Variants in TDRD15 observed in about 807,000 individuals in gnomAD.
TDRD15 encodes the protein tudor domain containing 15.
For missense variants in TDRD15, 1,416 were observed against 904.7 expected (o/e 1.57, Z -7.25); for synonymous variants, 503 against 314.5 (o/e 1.60, Z -6.34).
At chr2:21,132,805 T>G (rs1665743814) in intron 2 of TDRD15, among the ~76,000 whole-genome samples, 1 of 152,214 alleles carries the variant, frequency 6.6e-6, no homozygotes, top group South Asian at 2.1e-4. Context: ...AAATTAGTTC[T>G]TTTATCTACC....
chr2:21,128,289 G>GT (rs537612430), intron 2 of TDRD15, among the ~76,000 whole-genome samples: 395 of 144,316 alleles, frequency 2.7e-3, no homozygotes, highest in African/African-American at 5.5e-3. Flanking sequence ...CCATGTTATG[G>GT]TTTTTTTTTT....
In TDRD15 at chr2:21,138,906, T is replaced by A; in HGVS notation, c.1439T>A (p.Ile480Lys). 2 of 715,706 alleles carry A rather than the reference T, an allele frequency of 2.8e-6. No homozygotes were observed. The highest frequency in any genetic ancestry group is 3.0e-5 in the South Asian group (2 of 67,460). The allele number at this position is 715,706 out of a possible 1,614,324, so 44.3% of individuals were successfully genotyped here. ...CCCATTAAAACAGTACAAATGGAGATAGAGGCTGCCTACATAGCTTTTATA... is the reference window on the plus strand; with the variant it reads ...CCCATTAAAACAGTACAAATGGAGAAAGAGGCTGCCTACATAGCTTTTATA... ...GFPIKTVQME[I>K]EAAYIAFIAY... Residue 480 changes from isoleucine to lysine, a missense_variant, in exon 4 of 4, where the codon ATA becomes AAA. Physicochemically the swap from Ile to Lys is moderately radical, Grantham distance 102. Transcript: ENST00000405799.
chr2:21,131,384 G>A (rs1006025090), intron 2 of TDRD15, among the ~76,000 whole-genome samples: 5 of 152,108 alleles, frequency 3.3e-5, no homozygotes, highest in African/African-American at 1.2e-4. Flanking sequence ...GTAGGCCAGT[G>A]GATTTTAAGA....
downstream of TDRD15, among the ~76,000 whole-genome samples, chr2:21,144,910 A>C (rs994275623): frequency 1.3e-5 from 2 of 152,008 alleles, no homozygotes; most frequent in African/African-American, 4.8e-5. Context: ...GGTTATAGGC[A>C]CAGACAAGAG....
Position 21,142,384 on chromosome 2 carries a change from T to A in TDRD15, c.4917T>A (p.Pro1639=). 1.4e-6 allele frequency: 1 copy of A among 704,804 alleles called. No individual in the cohort carries two copies. The highest frequency in any genetic ancestry group is 2.6e-6 in the Non-Finnish European group (1 of 380,334). 43.7% of individuals were successfully genotyped at this position (704,804 alleles called of 1,614,324 possible). A position where few individuals can be genotyped will look rare whatever the true frequency, so the allele number is the denominator to read the frequency against. Residue 1639 remains proline, a synonymous_variant, in exon 4 of 4, where the codon CCT becomes CCA. Coordinates refer to ENST00000405799, the MANE Select transcript of TDRD15 (RefSeq NM_001306137.2). ...EIRNIPRQAV[P]CKWIWFENSK... is the part of the protein sequence containing the mutation. ...GAAACATTCCTAGACAAGCTGTACC[T>A]TGTAAATGGATTTGGTTTGAAAATT...
At position 21,138,618 on chromosome 2, in the gene TDRD15, AT is replaced by A. The variant is rs1383649036; in HGVS notation, c.1152del (p.Tyr384Ter). The A allele has an allele frequency of 1.4e-6, 1 of 713,462 alleles. No individual in the cohort carries two copies. Among genetic ancestry groups the A allele is most frequent in the Non-Finnish European group, 2.6e-6 (1 of 383,392 alleles). The allele number at this position is 713,462 out of a possible 1,614,324, so 44.2% of individuals were successfully genotyped here. A position where few individuals can be genotyped will look rare whatever the true frequency, so the allele number is the denominator to read the frequency against. ...FKQALLGQVV[Y>X]AHIDWFNKDE... Reference sequence around the variant, plus strand: ...CAGGCCTTATTAGGACAAGTGGTATATGCACACATTGATTGGTTCAATAAGG... The same window carrying A: ...CAGGCCTTATTAGGACAAGTGGTATAGCACACATTGATTGGTTCAATAAGG... On this transcript the variant is annotated frameshift_variant, in exon 4 of 4. Transcript: ENST00000405799. LOFTEE classifies it low-confidence loss of function (END_TRUNC).
chr2:21,135,020 G>T (rs1258882818), intron 3 of TDRD15, among the ~76,000 whole-genome samples, 173 bp downstream of exon 3: 1 of 142,692 alleles, frequency 7.0e-6, no homozygotes, highest in Non-Finnish European at 1.5e-5. Flanking sequence ...TATATAAATT[G>T]TGTATAATTA....
chr2:21,136,913 C>G (rs1350098082), intron 3 of TDRD15, among the ~76,000 whole-genome samples: 1 of 151,976 alleles, frequency 6.6e-6, no homozygotes, highest in Non-Finnish European at 1.5e-5. Context: ...AAAGATGAAT[C>G]CCGGGATTGT....
rs1351752198 is a variant in TDRD15 at position 21,142,917 on chromosome 2, A to G, written c.5450A>G (p.Tyr1817Cys). ...PQSLCLVLVD[Y>C]GFSFYIRYSE... is the part of the protein sequence containing the mutation. The stretch of plus-strand genomic sequence containing the variant: ...TCTTTATGTCTTGTGTTGGTTGACT[A>G]TGGATTTTCTTTTTATATACGTTAT... The change falls in exon 4 of 4, where the codon TAT becomes TGT. Residue 1817 changes from tyrosine to cysteine, a missense_variant. Physicochemically the swap from Tyr to Cys is radical, Grantham distance 194. Coordinates refer to ENST00000405799, the MANE Select transcript of TDRD15 (RefSeq NM_001306137.2). 4 of 696,000 alleles carry G rather than the reference A, an allele frequency of 5.7e-6. No homozygotes were observed. Among genetic ancestry groups the G allele is most frequent in the South Asian group, 3.2e-5 (2 of 62,920 alleles). The allele number at this position is 696,000 out of a possible 1,614,324, so 43.1% of individuals were successfully genotyped here. A position where few individuals can be genotyped will look rare whatever the true frequency, so the allele number is the denominator to read the frequency against.
chr2:21,139,103 A>C lies in TDRD15; in HGVS notation c.1636A>C (p.Arg546=). 1 of 714,682 alleles carries C rather than the reference A, an allele frequency of 1.4e-6. No homozygotes were observed. Among genetic ancestry groups the C allele is most frequent in the Non-Finnish European group, 2.6e-6 (1 of 383,790 alleles). 44.3% of individuals were successfully genotyped at this position (714,682 alleles called of 1,614,324 possible). A position where few individuals can be genotyped will look rare whatever the true frequency, so the allele number is the denominator to read the frequency against. ...TTGTTGTGCTAGATATAGCAAGGAC[A>C]GACGTTTTTACAGAGCTGTCATCAC... ...LFCCARYSKD[R]RFYRAVITEI... Residue 546 remains arginine, a synonymous_variant, in exon 4 of 4, where the codon AGA becomes CGA. Coordinates refer to ENST00000405799, the MANE Select transcript of TDRD15 (RefSeq NM_001306137.2).
chr2:21,130,433 C>T (rs971307532), intron 2 of TDRD15, among the ~76,000 whole-genome samples: 5 of 152,188 alleles, frequency 3.3e-5, no homozygotes, highest in Admixed American at 6.5e-5. Context: ...AATACACATT[C>T]ACTAGAAACT....
At chr2:21,130,118 A>G (rs1665688574) in intron 2 of TDRD15, among the ~76,000 whole-genome samples, 1 of 152,188 alleles carries the variant, frequency 6.6e-6, no homozygotes, top group Non-Finnish European at 1.5e-5. Flanking sequence ...CCCACATCTC[A>G]ATGATTAAGT....
intron 3 of TDRD15, 52 bp downstream of exon 3, chr2:21,134,899 AAG>A (rs1665779021): frequency 6.6e-6 from 1 of 151,026 alleles, no homozygotes; most frequent in South Asian, 2.1e-4. Flanking sequence ...ATATTTGAAT[AAG>A]GGTTGGATCT....
intron 2 of TDRD15, among the ~76,000 whole-genome samples, 189 bp downstream of exon 2, chr2:21,127,900 A>G (rs1343335414): frequency 2.0e-5 from 3 of 152,202 alleles, no homozygotes; most frequent in African/African-American, 7.2e-5. Context: ...TTGATACCTT[A>G]AAATTAATTT....
intron 2 of TDRD15, among the ~76,000 whole-genome samples, chr2:21,132,073 G>A (rs1415621249): frequency 6.6e-6 from 1 of 152,116 alleles, no homozygotes. Flanking sequence ...AGGAAGTGAC[G>A]AAGCAAGCTG....
rs1665882941 is a variant in TDRD15, at chr2:21,139,734, C to T, written c.2267C>T (p.Thr756Ile). ...AAAGAATATATTTTTAGACCAGGAA[C>T]AGTTCTTGAAGTTAAATGTTCCTGT... ...PYKEYIFRPG[T>I]VLEVKCSCYY... Residue 756 changes from threonine (T) to isoleucine (I), a missense_variant, in exon 4 of 4, where the codon ACA (threonine) becomes ATA (isoleucine). By Grantham distance (89) the Thr-to-Ile change is moderately conservative (BLOSUM62 -1). Coordinates refer to ENST00000405799, the MANE Select transcript of TDRD15 (RefSeq NM_001306137.2). 1 of 715,518 alleles carries T rather than the reference C, an allele frequency of 1.4e-6. No homozygotes were observed. Among genetic ancestry groups the T allele is most frequent in the Non-Finnish European group, 2.6e-6 (1 of 383,988 alleles). 44.3% of individuals were successfully genotyped at this position (715,518 alleles called of 1,614,324 possible).
Position 21,139,244 on chromosome 2 carries a change from G to A in TDRD15, c.1777G>A (p.Ala593Thr). ...LPEFCELPAL[A>T]MCCSLAHIFP... ...AGAATTTTGTGAGTTGCCTGCCTTA[G>A]CGATGTGCTGTTCACTTGCACATAT... Residue 593 changes from alanine (A) to threonine (T), a missense_variant, in exon 4 of 4, where the codon GCG (alanine) becomes ACG (threonine). Physicochemically the swap from Ala to Thr is moderately conservative, Grantham distance 58. Coordinates refer to ENST00000405799, the MANE Select transcript of TDRD15 (RefSeq NM_001306137.2). The A allele has an allele frequency of 1.4e-6, 1 of 715,654 alleles. No individual in the cohort carries two copies. The highest frequency in any genetic ancestry group is 2.6e-6 in the Non-Finnish European group (1 of 384,114). 44.3% of individuals were successfully genotyped at this position (715,654 alleles called of 1,614,324 possible).
In TDRD15 at chr2:21,143,200, C is replaced by T. The variant is rs865824408; in HGVS notation, c.5733C>T (p.Leu1911=). The change falls in exon 4 of 4, where the codon CTC becomes CTT. Residue 1911 remains leucine, a synonymous_variant. Coordinates refer to ENST00000405799, the MANE Select transcript of TDRD15 (RefSeq NM_001306137.2). ...CAGATATATTAGTTGCATCTGGTCT[C>T]GCAACTTATTCTAAAGATTCACCTC... is the stretch of plus-strand genomic sequence containing the variant. The part of the protein sequence containing the change: ...NLADILVASG[L]ATYSKDSPHL... 2.3e-5 allele frequency: 16 copies of T among 687,606 alleles called. No individual in the cohort carries two copies. In the East Asian group the frequency reaches 2.7e-4, roughly 12 times the overall value. 42.6% of individuals were successfully genotyped at this position (687,606 alleles called of 1,614,324 possible). A position where few individuals can be genotyped will look rare whatever the true frequency, so the allele number is the denominator to read the frequency against.
In TDRD15 at chr2:21,139,028, T is replaced by TTG. The variant is rs761074928; in HGVS notation, c.1566_1567dup (p.Glu523ValfsTer6). 7 of 713,874 alleles carry TTG rather than the reference T, an allele frequency of 9.8e-6. No homozygotes were observed. The highest frequency in any genetic ancestry group is 3.0e-5 in the South Asian group (2 of 66,920). 44.2% of individuals were successfully genotyped at this position (713,874 alleles called of 1,614,324 possible). A position where few individuals can be genotyped will look rare whatever the true frequency, so the allele number is the denominator to read the frequency against. ...GAAAAACATAAACAAATTTTATGATTTGTGTGAAAACGATGAAATGATTCT... is the reference window on the plus strand; with the variant it reads ...GAAAAACATAAACAAATTTTATGATTTGTGTGTGAAAACGATGAAATGATTCT... On this transcript the variant is annotated frameshift_variant, in exon 4 of 4. Coordinates refer to ENST00000405799, the MANE Select transcript of TDRD15 (RefSeq NM_001306137.2). LOFTEE classifies it low-confidence loss of function (END_TRUNC).
Sources: gnomAD v4.1 joint callset for allele counts (sites outside exome capture counted in the v4.1 genomes callset) on GRCh38, gnomAD v4.1.1 for gene constraint, MANE v1.5 for transcripts, NCBI Gene and HGNC (gene_info 2026-07-23, HGNC 2026-07-21) for gene names.